The following GPHN variants were observed in gnomAD, a reference collection of about 807,000 sequenced individuals.
GPHN encodes gephyrin.
GPHN carries 17 observed loss-of-function variants against 95.5 expected under a neutral mutation model. The ratio of observed to expected loss-of-function variants is 0.18; its 90% CI spans 0.12 to 0.27. The LOEUF (loss-of-function observed/expected upper bound fraction) is 0.27, where lower values mean the gene tolerates loss of function less well. Ranked by LOEUF, GPHN falls within the 10% of genes least tolerant of loss-of-function variation. GPHN has a pLI of 1.00. For missense variants in GPHN, 660 were observed against 978.1 expected, an observed-to-expected ratio of 0.67 and a Z score of 4.34; for synonymous variants, 320 against 322.5, an observed-to-expected ratio of 0.99 and a Z score of 0.08.
chr14:67,159,374 A>G, intron 18 of GPHN, 41 bp from the exon 19 acceptor site: 1 of 1,119,372 alleles, frequency 8.9e-7, no homozygotes, highest in Non-Finnish European at 1.4e-6. Context: ...GTCTAATATT[A>G]AAATGTTTGA....
At chr14:66,774,824 T>C (rs1328312110) in intron 2 of GPHN, among the ~76,000 whole-genome samples, 10 of 152,332 alleles carry the variant, frequency 6.6e-5, no homozygotes, top group Admixed American at 3.3e-4. Context: ...TGTTAAAACA[T>C]TTTAAAAATA....
chr14:67,489,805 ATG>A, the GPHN span, among the ~76,000 whole-genome samples: 2 of 152,214 alleles, frequency 1.3e-5, no homozygotes, highest in Non-Finnish European at 2.9e-5. Flanking sequence ...CCTGGCTAAC[ATG>A]GTGAAACCCC....
intron 9 of GPHN, among the ~76,000 whole-genome samples, chr14:66,983,511 T>C (rs1230647624): frequency 6.6e-6 from 1 of 151,806 alleles, no homozygotes; most frequent in Non-Finnish European, 1.5e-5. Context: ...GAAACTTGAA[T>C]TGTAGCCAGA....
In GPHN at chr14:66,930,664, T is replaced by G. The variant is rs139945477; in HGVS notation, c.828+6372T>G. Among the ~76,000 whole-genome samples the G allele has an allele frequency of 2.9e-3, 448 of 151,992 alleles. 3 individuals carry two copies. Among genetic ancestry groups the G allele is most frequent in the African/African-American group, 0.01 (430 of 41,428 alleles). On this transcript the variant is annotated intron_variant, in intron 8 of 22. Transcript: ENST00000478722. ...TCTCAGTCTCCCAAGTAGCTGGGAC[T>G]ACAGGCACGCAACACCATGACCAAC...
intron 1 of GPHN, among the ~76,000 whole-genome samples, chr14:66,674,320 G>A (rs2066468176): frequency 2.0e-5 from 3 of 151,796 alleles, no homozygotes; most frequent in Admixed American, 1.3e-4. Flanking sequence ...GGATGGTATT[G>A]ATCTCCTGAT....
intron 9 of GPHN, among the ~76,000 whole-genome samples, chr14:66,971,744 G>A (rs1447239531): frequency 6.6e-6 from 1 of 152,132 alleles, no homozygotes; most frequent in East Asian, 1.9e-4. Flanking sequence ...CCATTGGTCT[G>A]TCTTGCACTT....
At chr14:67,728,823 G>C in the GPHN span, among the ~76,000 whole-genome samples, 1 of 151,646 alleles carries the variant, frequency 6.6e-6, no homozygotes, top group Non-Finnish European at 1.5e-5. Flanking sequence ...CTTCCAATCA[G>C]ATCGCTACCC....
intron 1 of GPHN, among the ~76,000 whole-genome samples, chr14:66,555,118 C>T (rs1183988943): frequency 1.3e-5 from 2 of 151,236 alleles, no homozygotes; most frequent in Non-Finnish European, 2.9e-5. Context: ...GAAAAAAATC[C>T]CCACAAAAAA....
At chr14:67,517,197 G>A in the GPHN span, among the ~76,000 whole-genome samples, 1 of 152,168 alleles carries the variant, frequency 6.6e-6, no homozygotes, top group African/African-American at 2.4e-5. Context: ...CTGATGAAAA[G>A]GGCCATCCCC....
the GPHN span, among the ~76,000 whole-genome samples, chr14:67,524,067 C>T: frequency 2.6e-5 from 4 of 152,142 alleles, no homozygotes; most frequent in Non-Finnish European, 5.9e-5. Context: ...CAGAGACCCA[C>T]TTTGACCTTG....
At chr14:66,942,426 C>A (rs1178364493) in intron 8 of GPHN, among the ~76,000 whole-genome samples, 1 of 152,166 alleles carries the variant, frequency 6.6e-6, no homozygotes, top group Admixed American at 6.5e-5. Context: ...TAGAAACCTG[C>A]ATTTGAGAGC....
At chr14:66,642,418 AC>A (rs1233141287) in intron 1 of GPHN, among the ~76,000 whole-genome samples, 1 of 152,184 alleles carries the variant, frequency 6.6e-6, no homozygotes, top group Non-Finnish European at 1.5e-5. Flanking sequence ...TGGTTGCTAA[AC>A]ATAGCCTCTA....
chr14:67,012,436 C>T (rs112473502), intron 9 of GPHN, among the ~76,000 whole-genome samples: 3 of 152,238 alleles, frequency 2.0e-5, no homozygotes, highest in African/African-American at 7.2e-5. Flanking sequence ...TTTGCTGGAA[C>T]CCTAAGTCTG....
chr14:67,125,125 A>T (rs528332288), intron 17 of GPHN, among the ~76,000 whole-genome samples: 75 of 149,716 alleles, frequency 5.0e-4, no homozygotes, highest in South Asian at 1.9e-3. Flanking sequence ...AGAACAATTT[A>T]AAAAAAAAAG....
At chr14:67,469,260 G>A in the GPHN span, among the ~76,000 whole-genome samples, 1 of 152,126 alleles carries the variant, frequency 6.6e-6, no homozygotes, top group Non-Finnish European at 1.5e-5. Flanking sequence ...GTGACAGGGG[G>A]CCCATGCCAT....
chr14:67,228,447 A>G, the GPHN span: 3 of 273,940 alleles, frequency 1.1e-5, no homozygotes, highest in South Asian at 4.3e-4. Context: ...ACAAACTACT[A>G]AACTAAAAAG....
the GPHN span, among the ~76,000 whole-genome samples, chr14:67,269,063 C>G: frequency 2.0e-5 from 3 of 152,146 alleles, no homozygotes; most frequent in Non-Finnish European, 2.9e-5. Flanking sequence ...AACCACTGAT[C>G]TACTTTTTGT....
At chr14:66,519,687 T>C (rs1004341304) in intron 1 of GPHN, among the ~76,000 whole-genome samples, 5 of 152,142 alleles carry the variant, frequency 3.3e-5, no homozygotes, top group African/African-American at 9.6e-5. Context: ...TTCTTGCTCA[T>C]ACATAGTATT....
At chr14:66,922,603 C>A in intron 6 of GPHN, 63 bp from the exon 7 acceptor site, 2 of 1,304,038 alleles carry the variant, frequency 1.5e-6, no homozygotes, top group South Asian at 1.4e-5. Flanking sequence ...GTTTGATTGC[C>A]ACCATCTTAT....
Sources: gnomAD v4.1 joint callset for allele counts (sites outside exome capture counted in the v4.1 genomes callset) on GRCh38, gnomAD v4.1.1 for gene constraint, MANE v1.5 for transcripts, NCBI Gene and HGNC (gene_info 2026-07-23, HGNC 2026-07-21) for gene names.